The following ENO4 variants were observed in gnomAD, a reference collection of about 807,000 sequenced individuals.
ENO4 encodes the protein 2-phospho-D-glycerate hydro-lyase.
ENO4 carries 53 observed loss-of-function variants against 63.2 expected under a neutral mutation model. The observed-to-expected ratio is 0.84, with a 90% CI of 0.67 to 1.05. The LOEUF (loss-of-function observed/expected upper bound fraction) is 1.05. Among genes scored for constraint, ENO4 ranks in the 50% least tolerant of loss-of-function variants. The pLI is 0.00. For synonymous variants in ENO4, 266 were observed against 283.8 expected, an observed-to-expected ratio of 0.94 and a Z score of 0.63; for missense variants, 719 against 772.0, an observed-to-expected ratio of 0.93 and a Z score of 0.81.
At chr10:116,858,672 A>G (rs1244395181) in intron 3 of ENO4, among the ~76,000 whole-genome samples, 1 of 152,216 alleles carries the variant, frequency 6.6e-6, no homozygotes, top group Non-Finnish European at 1.5e-5. Context: ...CAAAAAGAAA[A>G]TACTGTAACC....
intron 10 of ENO4, among the ~76,000 whole-genome samples, chr10:116,903,405 A>C (rs2133328478): frequency 6.6e-6 from 1 of 152,156 alleles, no homozygotes; most frequent in Non-Finnish European, 1.5e-5. Context: ...GGCGCCTGTA[A>C]TCCCAGCTAC....
At chr10:116,883,472 A>G (rs1358172763), downstream of ENO4, 2 of 152,218 alleles carry the variant, frequency 1.3e-5, no homozygotes, top group African/African-American at 4.8e-5. Context: ...ATAATGACAG[A>G]TGGTTATCCA....
At chr10:116,911,666 C>T (rs141436912) in exon 11 of ENO4, 3 of 1,572,012 alleles carry the variant, frequency 1.9e-6, no homozygotes, top group African/African-American at 2.7e-5. Context: ...ATAAACTGGC[C>T]AAAGATGAGG....
chr10:116,886,622 T>C, downstream of ENO4: 1 of 1,600,980 alleles, frequency 6.2e-7, no homozygotes, highest in Middle Eastern at 1.7e-4. Flanking sequence ...AAAATAGTTG[T>C]CTCTGATATT....
chr10:116,890,282 T>C (rs915993951), intron 10 of ENO4, among the ~76,000 whole-genome samples: 1 of 152,200 alleles, frequency 6.6e-6, no homozygotes, highest in Non-Finnish European at 1.5e-5. Context: ...AATCTGCAAG[T>C]AAAACTTAAA....
chr10:116,858,963 G>A (rs771141549), intron 3 of ENO4, 27 bp from the exon 4 acceptor site: 1 of 1,474,780 alleles, frequency 6.8e-7, no homozygotes, highest in Non-Finnish European at 9.1e-7. Context: ...ATATCCCACT[G>A]TAAAGCCATA....
chr10:116,881,566 C>T lies in ENO4; in HGVS notation c.1775C>T (p.Ala592Val), dbSNP rs1383822081. The T allele has an allele frequency of 3.2e-6, 5 of 1,550,148 alleles. No homozygotes were observed. In the South Asian group the frequency reaches 6.0e-5, roughly 18 times the overall value. ...FFYFNEEAEKAAEALEAAAAR... is the reference protein window; with the variant it reads ...FFYFNEEAEKVAEALEAAAAR... ...TACTTTAATGAGGAAGCTGAAAAGGCTGCGGAGGCACTTGAGGCTGCTGCG... is the reference window on the plus strand; with the variant it reads ...TACTTTAATGAGGAAGCTGAAAAGGTTGCGGAGGCACTTGAGGCTGCTGCG... The change falls in exon 14 of 14, where the codon GCT (alanine) becomes GTT (valine). Residue 592 changes from alanine to valine, a missense_variant. By Grantham distance (64) the Ala-to-Val change is moderately conservative (BLOSUM62 0). Around this residue, in one of 3 missense-constraint regions of ENO4, gnomAD observed 168 missense variants for 163.3 expected, o/e 1.03. Coordinates refer to ENST00000341276, the MANE Select transcript of ENO4 (RefSeq NM_001242699.2).
At chr10:116,877,063 A>G (rs1009699421) in intron 11 of ENO4, among the ~76,000 whole-genome samples, 7 of 152,106 alleles carry the variant, frequency 4.6e-5, no homozygotes, top group African/African-American at 1.7e-4. Context: ...ACACCTGGGT[A>G]CCCATCTGCA....
intron 10 of ENO4, among the ~76,000 whole-genome samples, chr10:116,902,819 A>G (rs1262335456): frequency 6.6e-6 from 1 of 152,250 alleles, no homozygotes; most frequent in Non-Finnish European, 1.5e-5. Context: ...CAGTAAGAAG[A>G]GCACAAAACT....
At chr10:116,867,181 G>C (rs1294948183) in intron 7 of ENO4, among the ~76,000 whole-genome samples, 1 of 152,070 alleles carries the variant, frequency 6.6e-6, no homozygotes, top group Non-Finnish European at 1.5e-5. Context: ...CATTTGGCTG[G>C]TGGCAGAGAT....
intron 10 of ENO4, 144 bp downstream of exon 10, chr10:116,874,345 CA>C: frequency 2.3e-6 from 2 of 871,494 alleles, no homozygotes; most frequent in South Asian, 6.7e-5. Context: ...CGTTGTCATT[CA>C]AAATGTGTTG....
downstream of ENO4, chr10:116,884,705 A>C (rs533507899): frequency 6.4e-6 from 1 of 156,040 alleles, no homozygotes; most frequent in Non-Finnish European, 1.4e-5. Context: ...AAAAATTACT[A>C]AAGTTGTCAA....
intron 1 of ENO4, among the ~76,000 whole-genome samples, chr10:116,852,373 A>G (rs567551917): frequency 2.4e-4 from 36 of 152,372 alleles, no homozygotes; most frequent in African/African-American, 6.3e-4. Context: ...GGCAATAACA[A>G]TACAATTTAT....
At chr10:116,897,770 A>G (rs1290387553) in intron 10 of ENO4, among the ~76,000 whole-genome samples, 1 of 152,180 alleles carries the variant, frequency 6.6e-6, no homozygotes, top group African/African-American at 2.4e-5. Context: ...TAAACGGCAG[A>G]CCCAGGATCT....
intron 10 of ENO4, among the ~76,000 whole-genome samples, chr10:116,899,843 A>AT (rs1589786393): frequency 1.3e-5 from 2 of 152,214 alleles, no homozygotes; most frequent in East Asian, 3.8e-4. Flanking sequence ...GTACTTACTA[A>AT]TAAGTCAAAG....
chr10:116,909,643 G>A (rs1233681943), intron 10 of ENO4, among the ~76,000 whole-genome samples: 1 of 152,070 alleles, frequency 6.6e-6, no homozygotes, highest in Non-Finnish European at 1.5e-5. Context: ...GGAAAAACGA[G>A]GTCAGTCAAT....
Position 116,874,242 on chromosome 10 carries a change from T to C in ENO4, c.1341+41T>C, listed in dbSNP as rs759628108. The C allele has an allele frequency of 4.8e-6, 7 of 1,457,370 alleles. No homozygotes were observed. The South Asian group carries it at 8.4e-5, about 17-fold the overall frequency. The allele number at this position is 1,457,370 out of a possible 1,614,324, so 90.3% of individuals were successfully genotyped here. ...TCCATATTTTATAACATATTTTATA[T>C]GCCATAAGATAGGCAGGACTCACCT... On this transcript the variant is annotated intron_variant, in intron 10 of 13. Coordinates refer to ENST00000341276, the MANE Select transcript of ENO4 (RefSeq NM_001242699.2).
chr10:116,885,103 T>A (rs772912825), downstream of ENO4: 4 of 152,652 alleles, frequency 2.6e-5, no homozygotes, highest in Non-Finnish European at 5.9e-5. Flanking sequence ...TTCAAGCCTA[T>A]GCTTACCACA....
At chr10:116,900,641 G>C in intron 10 of ENO4, 6 of 1,513,994 alleles carry the variant, frequency 4.0e-6, no homozygotes, top group Non-Finnish European at 5.3e-6. Context: ...CTGGATATTG[G>C]TTCAAATGTA....
Sources: gnomAD v4.1 joint callset for allele counts (sites outside exome capture counted in the v4.1 genomes callset) on GRCh38, gnomAD v4.1.1 for gene constraint, gnomAD v4.1.1 regional missense constraint, MANE v1.5 for transcripts, NCBI Gene and HGNC (gene_info 2026-07-23, HGNC 2026-07-21) for gene names.